The following MPZL1 variants were observed in gnomAD, a reference collection of about 807,000 sequenced individuals.
MPZL1 encodes the protein myelin protein zero like 1.
Under a neutral mutation model 29.3 loss-of-function variants are expected in MPZL1, and 16 were observed. That is an observed-to-expected ratio of 0.55 (90% CI 0.37 to 0.83). MPZL1 has a LOEUF of 0.83. Ranked by LOEUF, MPZL1 falls within the 40% of genes least tolerant of loss-of-function variation. The pLI is 0.00. For synonymous variants in MPZL1, 143 were observed against 132.0 expected (o/e 1.08, Z -0.57); for missense variants, 279 against 332.9 (o/e 0.84, Z 1.26).
rs1199531907 is a variant in MPZL1 at position 167,776,059 on chromosome 1, A to T, written c.606-5A>T. ...CATTTGTTCTTCAAATTGCCAATTC[A>T]TCAGCTGCAGTACATCAGAGAGTTT... On this transcript the variant is annotated splice_region_variant and splice_polypyrimidine_tract_variant and intron_variant, in intron 4 of 5. Coordinates refer to ENST00000359523, the MANE Select transcript of MPZL1 (RefSeq NM_003953.6). The T allele has an allele frequency of 6.4e-7, 1 of 1,574,026 alleles. No homozygotes were observed. Among genetic ancestry groups the T allele is most frequent in the Non-Finnish European group, 8.6e-7 (1 of 1,159,378 alleles).
intron 1 of MPZL1, among the ~76,000 whole-genome samples, chr1:167,760,742 A>G (rs1429210859): frequency 7.4e-6 from 1 of 134,564 alleles, no homozygotes; most frequent in African/African-American, 2.9e-5. Flanking sequence ...GCAAAGTTGA[A>G]TAGGCTGTGT....
At position 167,787,743 on chromosome 1, in the gene MPZL1, A is replaced by G. The variant is rs533333138; in HGVS notation, c.709-77A>G. 13 of 1,071,382 alleles carry G rather than the reference A, an allele frequency of 1.2e-5. No homozygotes were observed. In the Admixed American group the frequency reaches 1.8e-4, roughly 15 times the overall value. The allele number at this position is 1,071,382 out of a possible 1,614,324, so 66.4% of individuals were successfully genotyped here. Reference sequence around the variant, plus strand: ...TTGGAACCCTGATGTGATCACGTTAATCATTGCTTCTATGCCTGTAGCTGA... The same window carrying G: ...TTGGAACCCTGATGTGATCACGTTAGTCATTGCTTCTATGCCTGTAGCTGA... On this transcript the variant is annotated intron_variant, in intron 5 of 5. Coordinates refer to ENST00000359523, the MANE Select transcript of MPZL1 (RefSeq NM_003953.6).
At chr1:167,782,358 C>T (rs1040730766) in intron 5 of MPZL1, among the ~76,000 whole-genome samples, 2 of 152,172 alleles carry the variant, frequency 1.3e-5, no homozygotes, top group African/African-American at 4.8e-5. Context: ...GATCTGACTA[C>T]GGTTTTTGTT....
In MPZL1 at chr1:167,734,745, T is replaced by C. The variant is rs1660342938; in HGVS notation, c.91+12503T>C. Among the ~76,000 whole-genome samples, 6 of 152,304 alleles carry C rather than the reference T, an allele frequency of 3.9e-5. No individual in the cohort carries two copies. The South Asian group carries it at 1.2e-3, about 32-fold the overall frequency. ...AATCAGCAGTGTCTTGCAATGCAGC[T>C]GCCTCAGGGGAGGCCATTAAAGTTT... On this transcript the variant is annotated intron_variant, in intron 1 of 5. Transcript: ENST00000359523.
At chr1:167,723,583 G>C (rs1412563478) in intron 1 of MPZL1, among the ~76,000 whole-genome samples, 1 of 152,224 alleles carries the variant, frequency 6.6e-6, no homozygotes, top group Non-Finnish European at 1.5e-5. Flanking sequence ...ATATGCTTCA[G>C]ACAGAATTGT....
At chr1:167,753,788 C>T (rs1211478947) in intron 1 of MPZL1, among the ~76,000 whole-genome samples, 1 of 152,016 alleles carries the variant, frequency 6.6e-6, no homozygotes, top group Non-Finnish European at 1.5e-5. Flanking sequence ...CGCCATCACG[C>T]CGGGCTAATT....
In MPZL1 at chr1:167,752,413, C is replaced by T. The variant is rs1170054634; in HGVS notation, c.92-13170C>T. Among the ~76,000 whole-genome samples, 7 of 152,156 alleles carry T rather than the reference C, an allele frequency of 4.6e-5. No individual in the cohort carries two copies. In the East Asian group the frequency reaches 1.3e-3, roughly 29 times the overall value. On this transcript the variant is annotated intron_variant, in intron 1 of 5. Transcript: ENST00000359523. ...CTGCTTGGAGGGCCATTTTCCCATG[C>T]CCTGCACTGTGCCATACCCTGCACA...
At chr1:167,771,533 A>G (rs1299068839) in intron 2 of MPZL1, among the ~76,000 whole-genome samples, 1 of 152,140 alleles carries the variant, frequency 6.6e-6, no homozygotes, top group East Asian at 1.9e-4. Context: ...GTACACGTGC[A>G]GAAAGGCTGT....
intron 2 of MPZL1, among the ~76,000 whole-genome samples, chr1:167,768,816 C>T (rs16859626): frequency 0.046 from 6,931 of 152,240 alleles, 529 homozygotes; most frequent in African/African-American, 0.16. Context: ...TGAGAAACAG[C>T]ATCATGTAGC....
intron 1 of MPZL1, among the ~76,000 whole-genome samples, chr1:167,723,007 T>C (rs1202209201): frequency 6.6e-6 from 1 of 152,182 alleles, no homozygotes; most frequent in Non-Finnish European, 1.5e-5. Context: ...TCTTACCAAA[T>C]ATTGTGACTC....
intron 1 of MPZL1, among the ~76,000 whole-genome samples, chr1:167,738,000 G>A (rs1413717178): frequency 6.6e-6 from 1 of 152,032 alleles, no homozygotes; most frequent in African/African-American, 2.4e-5. Context: ...ATCTCGGCTC[G>A]CTGCAAGCTC....
In MPZL1 at chr1:167,787,846, C is replaced by A; in HGVS notation, c.735C>A (p.Asp245Glu). ...GCCCAGTCATATATGCACAGTTAGA[C>A]CACTCCGGCGGACATCACAGTGACA... ...HQGPVIYAQL[D>E]HSGGHHSDKI... The change falls in exon 6 of 6, where the codon GAC (aspartate) becomes GAA (glutamate). Residue 245 changes from aspartate to glutamate, a missense_variant. Coordinates refer to ENST00000359523, the MANE Select transcript of MPZL1 (RefSeq NM_003953.6). 1.2e-6 allele frequency: 2 copies of A among 1,613,814 alleles called. No homozygotes were observed. Among genetic ancestry groups the A allele is most frequent in the East Asian group, 2.2e-5 (1 of 44,882 alleles).
At chr1:167,767,461 G>A (rs886518952) in intron 2 of MPZL1, among the ~76,000 whole-genome samples, 2 of 152,216 alleles carry the variant, frequency 1.3e-5, no homozygotes, top group East Asian at 3.9e-4. Context: ...GGTCCATGAA[G>A]GTTTACATAA....
chr1:167,740,206 T>TAAAAA (rs1010939928), intron 1 of MPZL1, among the ~76,000 whole-genome samples: 3 of 152,218 alleles, frequency 2.0e-5, no homozygotes, highest in African/African-American at 7.2e-5. Context: ...TTTCTAATCT[T>TAAAAA]AAAAACCTTC....
chr1:167,723,688 T>A (rs1330194903), intron 1 of MPZL1, among the ~76,000 whole-genome samples: 1 of 152,212 alleles, frequency 6.6e-6, no homozygotes, highest in African/African-American at 2.4e-5. Context: ...AGTGCAAAAC[T>A]ACATAGTAGT....
At chr1:167,728,362 CTT>C (rs71097693) in intron 1 of MPZL1, among the ~76,000 whole-genome samples, 34 of 117,652 alleles carry the variant, frequency 2.9e-4, no homozygotes, top group East Asian at 9.6e-4. Flanking sequence ...TTCTTTCTTT[CTT>C]TTTTTTTTTT....
intron 1 of MPZL1, among the ~76,000 whole-genome samples, chr1:167,729,859 ATTAAT>A (rs1282255845): frequency 6.6e-6 from 1 of 152,214 alleles, no homozygotes; most frequent in African/African-American, 2.4e-5. Context: ...AATTATTTTT[ATTAAT>A]TTTATAGATA....
Position 167,760,493 on chromosome 1 carries a change from G to A in MPZL1, c.92-5090G>A, listed in dbSNP as rs551098908. On this transcript the variant is annotated intron_variant, in intron 1 of 5. Transcript: ENST00000359523. Reference sequence around the variant, plus strand: ...GCTGGGATTACAAACGTGAGCCACCGCACCCGGCCCCTCTAGATAGGTTTC... The same window carrying A: ...GCTGGGATTACAAACGTGAGCCACCACACCCGGCCCCTCTAGATAGGTTTC... Among the ~76,000 whole-genome samples the A allele has an allele frequency of 3.9e-5, 6 of 152,152 alleles. No individual in the cohort carries two copies. The South Asian group carries it at 6.2e-4, about 16-fold the overall frequency.
At chr1:167,760,850 A>G (rs1660973195) in intron 1 of MPZL1, among the ~76,000 whole-genome samples, 1 of 151,806 alleles carries the variant, frequency 6.6e-6, no homozygotes, top group Non-Finnish European at 1.5e-5. Context: ...GGAATGTTAA[A>G]TAGATACGCA....
Sources: gnomAD v4.1 joint callset for allele counts (sites outside exome capture counted in the v4.1 genomes callset) on GRCh38, gnomAD v4.1.1 for gene constraint, MANE v1.5 for transcripts, NCBI Gene and HGNC (gene_info 2026-07-23, HGNC 2026-07-21) for gene names.